The following TIGD4 variants were observed in gnomAD, a reference collection of about 807,000 sequenced individuals.
TIGD4 encodes tigger transposable element-derived protein 4.
Under a neutral mutation model 24.9 loss-of-function variants are expected in TIGD4, and 20 were observed. That is an observed-to-expected ratio of 0.80 (90% CI 0.56 to 1.17). The LOEUF is 1.17. Ranked by LOEUF, TIGD4 falls within the 50% of genes most tolerant of loss-of-function variation. TIGD4 has a pLI of 0.00. For missense variants in TIGD4, 566 were observed against 591.0 expected (o/e 0.96, Z 0.44); for synonymous variants, 193 against 211.0 (o/e 0.91, Z 0.74).
intron 1 of TIGD4, among the ~76,000 whole-genome samples, chr4:152,774,056 A>G (rs977402413): frequency 2.1e-5 from 3 of 141,830 alleles, no homozygotes; most frequent in Non-Finnish European, 4.6e-5. Context: ...CCCTCTCCCA[A>G]TCCCTCCCTC....
chr4:152,771,308 AT>A lies in TIGD4; in HGVS notation c.-305del, dbSNP rs1362361351. 9.0e-6 allele frequency: 2 copies of A among 222,878 alleles called. No individual in the cohort carries two copies. Among genetic ancestry groups the A allele is most frequent in the Non-Finnish European group, 1.9e-5 (2 of 106,098 alleles). 13.8% of individuals were successfully genotyped at this position (222,878 alleles called of 1,614,324 possible). On this transcript the variant is annotated 5_prime_UTR_variant, in exon 2 of 2. In the 5' UTR this introduces an upstream ATG that the reference lacks. Transcript: ENST00000304337. ...GAAGTCAAGCTAAAATAGAAATCTC[AT>A]TATATAAAACCTGTCCAGTCCTGCT...
rs2149805522 is a variant in TIGD4 at position 152,770,616 on chromosome 4, T to C, written c.389A>G (p.Asn130Ser). ...KLGHNDFKCS[N>S]GWLDRFKSRY... ...GGATTTAAAACGATCCAGCCAACCATTACTGCACTTAAAATCATTATGGCC... is the reference window on the plus strand; with the variant it reads ...GGATTTAAAACGATCCAGCCAACCACTACTGCACTTAAAATCATTATGGCC... The change falls in exon 2 of 2, where the codon AAT becomes AGT. Residue 130 changes from asparagine (N) to serine (S), a missense_variant. Transcript: ENST00000304337. 1.2e-6 allele frequency: 2 copies of C among 1,604,388 alleles called. No individual in the cohort carries two copies. The highest frequency in any genetic ancestry group is 1.7e-6 in the Non-Finnish European group (2 of 1,176,614).
intron 1 of TIGD4, 39 bp from the exon 2 acceptor site, chr4:152,771,581 A>G (rs1418025363): frequency 6.3e-6 from 1 of 158,944 alleles, no homozygotes; most frequent in African/African-American, 2.4e-5. Flanking sequence ...AATTTTAGCG[A>G]TATGTCAATT....
At chr4:152,772,025 A>T (rs978292635) in intron 1 of TIGD4, among the ~76,000 whole-genome samples, 1 of 152,190 alleles carries the variant, frequency 6.6e-6, no homozygotes, top group Admixed American at 6.5e-5. Flanking sequence ...TTCCCTAAAA[A>T]ATCAAGTGAC....
chr4:152,775,702 G>A (rs911487793), intron 1 of TIGD4, among the ~76,000 whole-genome samples: 4 of 152,180 alleles, frequency 2.6e-5, no homozygotes, highest in Non-Finnish European at 4.4e-5. Flanking sequence ...CCACAAGCAG[G>A]AGAAAACTCT....
rs1196922074 is a variant in TIGD4 at position 152,770,132 on chromosome 4, T to C, written c.873A>G (p.Pro291=). Residue 291 remains proline, a synonymous_variant, in exon 2 of 2, where the codon CCA becomes CCG. Coordinates refer to ENST00000304337, the MANE Select transcript of TIGD4 (RefSeq NM_145720.4). The part of the protein sequence containing the change: ...RRVVIFVESF[P]AHPEVKNLKS... ...TTAGGTTCTTTACCTCTGGATGTGCTGGAAAAGACTCAACAAAAATCACCA... is the reference window on the plus strand; with the variant it reads ...TTAGGTTCTTTACCTCTGGATGTGCCGGAAAAGACTCAACAAAAATCACCA... 2 of 1,614,098 alleles carry C rather than the reference T, an allele frequency of 1.2e-6. No homozygotes were observed. The highest frequency in any genetic ancestry group is 8.5e-7 in the Non-Finnish European group (1 of 1,179,944).
intron 1 of TIGD4, among the ~76,000 whole-genome samples, chr4:152,776,895 C>T (rs1184919600): frequency 6.6e-6 from 1 of 152,108 alleles, no homozygotes; most frequent in Non-Finnish European, 1.5e-5. Flanking sequence ...TGAATTCTCA[C>T]AGGGAGGATA....
Position 152,770,221 on chromosome 4 carries a change from A to T in TIGD4, c.784T>A (p.Ser262Thr), listed in dbSNP as rs752619078. Residue 262 changes from serine (S) to threonine (T), a missense_variant, in exon 2 of 2, where the codon TCC (serine) becomes ACC (threonine). Ser to Thr is a moderately conservative substitution (Grantham distance 58, BLOSUM62 1). Transcript: ENST00000304337. The part of the protein sequence containing the change: ...YEANRMAWMT[S>T]DVFEQWMRKL... The stretch of plus-strand genomic sequence containing the variant: ...CGCATCCATTGTTCAAATACATCGG[A>T]GGTCATCCATGCCATTCTGTTAGCT... 1 of 1,613,972 alleles carries T rather than the reference A, an allele frequency of 6.2e-7. No individual in the cohort carries two copies. The highest frequency in any genetic ancestry group is 1.3e-5 in the African/African-American group (1 of 74,908).
Position 152,769,899 on chromosome 4 carries a change from T to C in TIGD4, c.1106A>G (p.Glu369Gly). The C allele has an allele frequency of 6.2e-7, 1 of 1,613,760 alleles. No homozygotes were observed. The highest frequency in any genetic ancestry group is 8.5e-7 in the Non-Finnish European group (1 of 1,179,688). ...CTCTTCATAGCTTTTAACAATAGTC[T>C]CTGGGGTTACAGCCCTCCAGCAAAG... ...LHLCWRAVTP[E>G]TIVKSYEEAG... The change falls in exon 2 of 2, where the codon GAG (glutamate) becomes GGG (glycine). Residue 369 changes from glutamate (E) to glycine (G), a missense_variant. By Grantham distance (98) the Glu-to-Gly change is moderately conservative (BLOSUM62 -2). Transcript: ENST00000304337.
intron 1 of TIGD4, among the ~76,000 whole-genome samples, chr4:152,775,540 G>T (rs1050053149): frequency 6.6e-6 from 1 of 152,218 alleles, no homozygotes; most frequent in Non-Finnish European, 1.5e-5. Flanking sequence ...ATGGTCCCTA[G>T]TTTTTTTGGT....
intron 1 of TIGD4, among the ~76,000 whole-genome samples, chr4:152,774,594 G>A (rs1482382929): frequency 6.6e-6 from 1 of 152,088 alleles, no homozygotes; most frequent in Non-Finnish European, 1.5e-5. Context: ...ACATGTTAGG[G>A]AATATTTTCT....
Position 152,779,521 on chromosome 4 carries a change from C to T in TIGD4, c.-578G>A, listed in dbSNP as rs1730350617. 6.6e-6 allele frequency: 1 copy of T among 152,438 alleles called. No homozygotes were observed. Among genetic ancestry groups the T allele is most frequent in the Admixed American group, 6.5e-5 (1 of 15,288 alleles). 9.4% of individuals were successfully genotyped at this position (152,438 alleles called of 1,614,324 possible). On this transcript the variant is annotated 5_prime_UTR_variant, in exon 1 of 2. Coordinates refer to ENST00000304337, the MANE Select transcript of TIGD4 (RefSeq NM_145720.4). ...CCGGTGGCTGAGAAAGCAGCTTTCG[C>T]TCTTCTGTGGTAGCGTGGAGGTGAG... is the stretch of plus-strand genomic sequence containing the variant.
chr4:152,776,684 G>A (rs956926270), intron 1 of TIGD4, among the ~76,000 whole-genome samples: 3 of 152,138 alleles, frequency 2.0e-5, no homozygotes, highest in Non-Finnish European at 4.4e-5. Context: ...GAACTTGCCT[G>A]GTATGCAGCA....
intron 1 of TIGD4, among the ~76,000 whole-genome samples, chr4:152,774,508 T>C (rs1263011126): frequency 6.6e-6 from 1 of 152,222 alleles, no homozygotes; most frequent in African/African-American, 2.4e-5. Flanking sequence ...AGCTAATATT[T>C]CTCAGAATAG....
chr4:152,770,168 C>A lies in TIGD4; in HGVS notation c.837G>T (p.Gln279His), dbSNP rs1342472586. 6.2e-7 allele frequency: 1 copy of A among 1,613,992 alleles called. No individual in the cohort carries two copies. Among genetic ancestry groups the A allele is most frequent in the Admixed American group, 1.7e-5 (1 of 60,006 alleles). Reference protein sequence around the residue: ...MRKLDEEFQAQQRRVVIFVES... With the variant: ...MRKLDEEFQAHQRRVVIFVES... ...CAACAAAAATCACCACTCTTCGTTG[C>A]TGGGCTTGAAATTCCTCATCAAGCT... The change falls in exon 2 of 2, where the codon CAG (glutamine) becomes CAT (histidine). Residue 279 changes from glutamine (Q) to histidine (H), a missense_variant. Gln to His is a conservative substitution (Grantham distance 24). Transcript: ENST00000304337.
At position 152,769,560 on chromosome 4, in the gene TIGD4, A is replaced by T; in HGVS notation, c.1445T>A (p.Leu482Gln). 3 of 1,606,302 alleles carry T rather than the reference A, an allele frequency of 1.9e-6. No homozygotes were observed. Among genetic ancestry groups the T allele is most frequent in the Non-Finnish European group, 2.5e-6 (3 of 1,177,230 alleles). The change falls in exon 2 of 2, where the codon CTG becomes CAG. Residue 482 changes from leucine to glutamine, a missense_variant. Transcript: ENST00000304337. ...ATCTTGACTTCTGAGAAATTTTTTC[A>T]GAGTATCTAAAGCAGTTATTGCCTC... ...KSEAITALDT[L>Q]KKFLRSQDMN...
Position 152,769,880 on chromosome 4 carries a change from A to T in TIGD4, c.1125T>A (p.Tyr375Ter). Residue 375 changes from tyrosine (Y) to a stop codon, truncating the protein, a stop_gained, in exon 2 of 2, where the codon TAT becomes TAA. Transcript: ENST00000304337. LOFTEE classifies it low-confidence loss of function (END_TRUNC). Reference protein sequence around the residue: ...AVTPETIVKSYEEAGFKSQKG... With the variant: ...AVTPETIVKS ...TTTGAGATTTGAATCCTGCCTCTTC[A>T]TAGCTTTTAACAATAGTCTCTGGGG... 1.2e-6 allele frequency: 2 copies of T among 1,613,502 alleles called. No homozygotes were observed. Among genetic ancestry groups the T allele is most frequent in the South Asian group, 2.2e-5 (2 of 91,036 alleles).
intron 1 of TIGD4, among the ~76,000 whole-genome samples, chr4:152,778,478 C>T (rs955490637): frequency 2.0e-5 from 3 of 152,146 alleles, no homozygotes; most frequent in Admixed American, 6.5e-5. Flanking sequence ...GTCTCCAAAC[C>T]AACAAGATGG....
Position 152,771,265 on chromosome 4 carries a change from A to G in TIGD4, c.-261T>C. 3.2e-6 allele frequency: 1 copy of G among 308,752 alleles called. No individual in the cohort carries two copies. Among genetic ancestry groups the G allele is most frequent in the Non-Finnish European group, 6.2e-6 (1 of 162,066 alleles). The allele number at this position is 308,752 out of a possible 1,614,324, so 19.1% of individuals were successfully genotyped here. ...TAGTACCTTGTATAGCTCAGTTTAT[A>G]GCTTATTCAGAGTTGTAGAAGTCAA... On this transcript the variant is annotated 5_prime_UTR_variant, in exon 2 of 2. Transcript: ENST00000304337.
Sources: gnomAD v4.1 joint callset for allele counts (sites outside exome capture counted in the v4.1 genomes callset) on GRCh38, gnomAD v4.1.1 for gene constraint, MANE v1.5 for transcripts, NCBI Gene and HGNC (gene_info 2026-07-23, HGNC 2026-07-21) for gene names.